Variants in GPR89B observed in about 807,000 individuals in gnomAD.
GPR89B encodes the protein G protein-coupled receptor 89B.
Under a neutral mutation model 52.4 loss-of-function variants are expected in GPR89B, and 25 were observed. The ratio of observed to expected loss-of-function variants is 0.48; its 90% CI spans 0.35 to 0.67. GPR89B has a LOEUF of 0.67. Ranked by LOEUF, GPR89B falls within the 30% of genes least tolerant of loss-of-function variation. The pLI is 0.01. For synonymous variants in GPR89B, 52 were observed against 151.2 expected (o/e 0.34, Z 4.81); for missense variants, 146 against 450.2 (o/e 0.32, Z 6.11).
At chr1:148,013,665 G>C in the GPR89B span, among the ~76,000 whole-genome samples, 1 of 152,106 alleles carries the variant, frequency 6.6e-6, no homozygotes, top group Non-Finnish European at 1.5e-5. Flanking sequence ...GGAGGAGCGA[G>C]GAGTCCTGGG....
In GPR89B at chr1:147,979,726, C is replaced by T. The variant is rs1289761698; in HGVS notation, c.910-6473C>T. ...ACCAATCTTGCATTCCTAGAATAAA[C>T]CTCACTTGGTCATGGTGAATTATCA... On this transcript the variant is annotated intron_variant, in intron 10 of 13. Coordinates refer to ENST00000314163, the MANE Select transcript of GPR89B (RefSeq NM_016334.5). Among the ~76,000 whole-genome samples the T allele has an allele frequency of 3.9e-5, 6 of 151,952 alleles. No individual in the cohort carries two copies. In the East Asian group the frequency reaches 9.7e-4, roughly 24 times the overall value.
At chr1:147,971,743 G>A (rs1490493723) in intron 10 of GPR89B, among the ~76,000 whole-genome samples, 2 of 151,882 alleles carry the variant, frequency 1.3e-5, no homozygotes, top group African/African-American at 2.4e-5. Context: ...GCCTCCCAAA[G>A]TGCTGGGATT....
At chr1:147,970,527 C>A (rs1465021406) in intron 10 of GPR89B, among the ~76,000 whole-genome samples, 41 of 140,100 alleles carry the variant, frequency 2.9e-4, no homozygotes, top group African/African-American at 4.5e-4. Flanking sequence ...CTCTCTCTCT[C>A]TCTCTCTATC....
At chr1:147,945,336 C>T (rs1308359188) in intron 5 of GPR89B, among the ~76,000 whole-genome samples, 1 of 147,132 alleles carries the variant, frequency 6.8e-6, no homozygotes, top group Non-Finnish European at 1.5e-5. Context: ...TCTGTAGTAC[C>T]AAAACAAATG....
rs1474011216 is a variant in GPR89B at position 147,928,456 on chromosome 1, G to A, written c.-81G>A. ...TGCAGCACCTGGGAGAAGGCAGACC[G>A]TGTGAGGGGGCCTGTGGCCCCAGCG... On this transcript the variant is annotated 5_prime_UTR_variant, in exon 1 of 14. In the 5' UTR this introduces an upstream ATG that the reference lacks. Transcript: ENST00000314163. 4 of 1,557,570 alleles carry A rather than the reference G, an allele frequency of 2.6e-6. No homozygotes were observed. The African/African-American group carries it at 5.4e-5, about 21-fold the overall frequency.
At chr1:148,025,493 A>G in the GPR89B span, among the ~76,000 whole-genome samples, 1 of 134,260 alleles carries the variant, frequency 7.4e-6, no homozygotes, top group Non-Finnish European at 1.5e-5. Flanking sequence ...ACTGCACTCC[A>G]GCCTGGGCAA....
intron 8 of GPR89B, chr1:147,968,232 A>G (rs1657173287): frequency 1.1e-5 from 5 of 453,550 alleles, no homozygotes; most frequent in Non-Finnish European, 2.2e-5. Flanking sequence ...AAAATAACAT[A>G]GTGTAACGGA....
chr1:148,013,945 G>A, the GPR89B span, among the ~76,000 whole-genome samples: 2 of 151,718 alleles, frequency 1.3e-5, no homozygotes, highest in South Asian at 2.1e-4. Flanking sequence ...AGGAGCCTCC[G>A]TGCGGAGCCA....
intron 7 of GPR89B, among the ~76,000 whole-genome samples, chr1:147,966,321 C>G (rs1292791147): frequency 6.6e-6 from 1 of 151,290 alleles, no homozygotes; most frequent in African/African-American, 2.4e-5. Flanking sequence ...ATAGCAGAGC[C>G]AGTCCTCAAA....
the GPR89B span, among the ~76,000 whole-genome samples, chr1:148,025,044 G>C: frequency 6.6e-6 from 1 of 151,704 alleles, no homozygotes; most frequent in Non-Finnish European, 1.5e-5. Flanking sequence ...GTCCTTAATC[G>C]ACACCATCCT....
the GPR89B span, among the ~76,000 whole-genome samples, chr1:148,006,895 T>G: frequency 6.6e-6 from 1 of 151,246 alleles, no homozygotes; most frequent in Non-Finnish European, 1.5e-5. Context: ...TTTTGTATTT[T>G]TAGTAGAGAT....
the GPR89B span, among the ~76,000 whole-genome samples, chr1:148,000,993 T>G: frequency 4.6e-3 from 470 of 102,484 alleles, 3 homozygotes; most frequent in African/African-American, 0.017. Context: ...ACCTAAAGCT[T>G]AAAATCTAAT....
the GPR89B span, among the ~76,000 whole-genome samples, chr1:148,021,044 T>G: frequency 1.3e-5 from 2 of 151,980 alleles, no homozygotes; most frequent in South Asian, 2.1e-4. Flanking sequence ...CCAGTGGGTC[T>G]GCTTGGTCTC....
the GPR89B span, among the ~76,000 whole-genome samples, chr1:148,013,340 T>A: frequency 2.0e-5 from 3 of 152,108 alleles, no homozygotes; most frequent in African/African-American, 7.3e-5. Context: ...CCGGCCGCCT[T>A]CTTCCAGGAA....
intron 3 of GPR89B, among the ~76,000 whole-genome samples, chr1:147,940,295 T>A (rs1213770190): frequency 6.6e-6 from 1 of 151,126 alleles, no homozygotes; most frequent in African/African-American, 2.4e-5. Flanking sequence ...CCCAGCTACT[T>A]GGGGGGCTGA....
chr1:148,004,409 C>T, the GPR89B span, among the ~76,000 whole-genome samples: 6 of 149,954 alleles, frequency 4.0e-5, no homozygotes, highest in African/African-American at 1.2e-4. Flanking sequence ...TCGTGATCCA[C>T]CCGCCTCGGC....
At chr1:147,961,645 A>G (rs1656575619) in intron 7 of GPR89B, among the ~76,000 whole-genome samples, 1 of 152,174 alleles carries the variant, frequency 6.6e-6, no homozygotes, top group African/African-American at 2.4e-5. Context: ...CATCTTGAAA[A>G]TCCAATTTTT....
chr1:147,990,753 G>A (rs1340517767), intron 12 of GPR89B, among the ~76,000 whole-genome samples: 1 of 151,420 alleles, frequency 6.6e-6, no homozygotes, highest in Non-Finnish European at 1.5e-5. Context: ...AAGAGCAGAT[G>A]GTTGTAGATG....
downstream of GPR89B, chr1:147,995,586 C>A (rs2149099931): frequency 1.2e-6 from 2 of 1,607,428 alleles, no homozygotes; most frequent in Non-Finnish European, 1.7e-6. Context: ...AGAAATAGGC[C>A]CCCACTCACC....
Sources: allele counts gnomAD v4.1 joint callset (sites outside exome capture counted in the v4.1 genomes callset), GRCh38; gene constraint gnomAD v4.1.1; transcripts MANE v1.5; gene names NCBI Gene and HGNC (gene_info 2026-07-23, HGNC 2026-07-21).